Variants in GMIP observed in about 807,000 individuals in gnomAD.
GMIP encodes the protein GEM interacting protein, also known as GEM-interacting protein.
Under a neutral mutation model 105.3 loss-of-function variants are expected in GMIP, and 54 were observed. The observed-to-expected ratio is 0.51, with a 90% CI of 0.41 to 0.64. The LOEUF (loss-of-function observed/expected upper bound fraction) is 0.64. Ranked by LOEUF, GMIP falls within the 30% of genes least tolerant of loss-of-function variation. The probability of loss-of-function intolerance (pLI) is 0.00; values close to 1 mark genes in which losing one functional copy is unlikely to be tolerated. For synonymous variants in GMIP, 541 were observed against 560.8 expected, an observed-to-expected ratio of 0.96 and a Z score of 0.50; for missense variants, 1,110 against 1,319.4, an observed-to-expected ratio of 0.84 and a Z score of 2.46.
chr19:19,641,413 C>G (rs905311366), intron 4 of GMIP, among the ~76,000 whole-genome samples: 1 of 152,156 alleles, frequency 6.6e-6, no homozygotes, highest in Non-Finnish European at 1.5e-5. Context: ...TGGTCTTGCT[C>G]TGTCATCCAG....
chr19:19,637,313 C>T lies in GMIP; in HGVS notation c.1124+52G>A. 1 of 1,244,428 alleles carries T rather than the reference C, an allele frequency of 8.0e-7. No individual in the cohort carries two copies. Among genetic ancestry groups the T allele is most frequent in the Non-Finnish European group, 1.1e-6 (1 of 899,418 alleles). The allele number at this position is 1,244,428 out of a possible 1,614,324, so 77.1% of individuals were successfully genotyped here. A position where few individuals can be genotyped will look rare whatever the true frequency, so the allele number is the denominator to read the frequency against. Reference sequence around the variant, plus strand: ...GTAACCAGCCTGCGGTGCCAACAGCCTGGCATCGCGATTCCGGGGCTCGTT... The same window carrying T: ...GTAACCAGCCTGCGGTGCCAACAGCTTGGCATCGCGATTCCGGGGCTCGTT... On this transcript the variant is annotated intron_variant, in intron 11 of 20. Transcript: ENST00000203556. The surrounding 1 kb of genome is among the most constrained non-coding windows in gnomAD (Gnocchi z 6.7).
chr19:19,637,568 G>T lies in GMIP; in HGVS notation c.928-7C>A. The T allele has an allele frequency of 2.0e-6, 3 of 1,514,016 alleles. No individual in the cohort carries two copies. The highest frequency in any genetic ancestry group is 2.6e-6 in the Non-Finnish European group (3 of 1,137,404). The allele number at this position is 1,514,016 out of a possible 1,614,324, so 93.8% of individuals were successfully genotyped here. ...CGAAGAGACTCAGCGTCACCTGCCG[G>T]GTGGAGACAGCAGGTTGGGGAGGGG... On this transcript the variant is annotated splice_polypyrimidine_tract_variant and splice_region_variant and intron_variant, in intron 10 of 20. Transcript: ENST00000203556. This position sits in a 1 kb window ranked among gnomAD's most constrained non-coding sequence, Gnocchi z 6.7.
intron 1 of GMIP, among the ~76,000 whole-genome samples, chr19:19,642,856 C>T (rs1375434714): frequency 6.6e-6 from 1 of 151,968 alleles, no homozygotes; most frequent in Non-Finnish European, 1.5e-5. Flanking sequence ...TCTGCCTGCA[C>T]CCAGAAGCAA....
At chr19:19,642,275 G>A (rs1233729375) in intron 2 of GMIP, among the ~76,000 whole-genome samples, 1 of 152,002 alleles carries the variant, frequency 6.6e-6, no homozygotes, top group Non-Finnish European at 1.5e-5. Context: ...TCATAGAGTG[G>A]GATTATAGGG....
chr19:19,641,787 T>A, intron 4 of GMIP, 23 bp downstream of exon 4: 1 of 1,565,652 alleles, frequency 6.4e-7, no homozygotes, highest in Non-Finnish European at 8.8e-7. Flanking sequence ...GTCCCCACTG[T>A]CCTGGCCTCC....
chr19:19,640,607 C>T, intron 4 of GMIP, 36 bp from the exon 5 acceptor site: 3 of 1,612,014 alleles, frequency 1.9e-6, no homozygotes, highest in Non-Finnish European at 1.7e-6. Context: ...CCTTTGCACC[C>T]TAGTCTGCTA....
At position 19,643,530 on chromosome 19, in the gene GMIP, A is replaced by G. The variant is rs1314962766; in HGVS notation, c.-1T>C. Reference sequence around the variant, plus strand: ...CCCTACCCGGCTCTGCTGCGTCCATATCTGGGCCCGGGGATCGCTCTGCAG... The same window carrying G: ...CCCTACCCGGCTCTGCTGCGTCCATGTCTGGGCCCGGGGATCGCTCTGCAG... On this transcript the variant is annotated 5_prime_UTR_variant, in exon 1 of 21. Transcript: ENST00000203556. 1 of 1,547,328 alleles carries G rather than the reference A, an allele frequency of 6.5e-7. No individual in the cohort carries two copies. The highest frequency in any genetic ancestry group is 8.7e-7 in the Non-Finnish European group (1 of 1,145,122).
At chr19:19,632,815 A>C (rs1490913651) in intron 19 of GMIP, among the ~76,000 whole-genome samples, 3 of 152,092 alleles carry the variant, frequency 2.0e-5, no homozygotes, top group Admixed American at 6.6e-5. Flanking sequence ...CCTGTCATTC[A>C]TTACAGGATG....
At position 19,633,863 on chromosome 19, in the gene GMIP, G is replaced by A. The variant is rs1482737929; in HGVS notation, c.2412C>T (p.Pro804=). 19 of 1,497,998 alleles carry A rather than the reference G, an allele frequency of 1.3e-5. No individual in the cohort carries two copies. In the East Asian group the frequency reaches 1.6e-4, roughly 13 times the overall value. 92.8% of individuals were successfully genotyped at this position (1,497,998 alleles called of 1,614,324 possible). ...DSQPPVLASD[P]GPDPQHHSTL... The stretch of plus-strand genomic sequence containing the variant: ...TACTGTGGTGCTGGGGGTCTGGGCC[G>A]GGGTCTGAGGCTAGGACTGGGGGCT... The change falls in exon 19 of 21, where the codon CCC becomes CCT. Residue 804 remains proline (P), a synonymous_variant. Coordinates refer to ENST00000203556, the MANE Select transcript of GMIP (RefSeq NM_016573.4).
rs1019964302 is a variant in GMIP, at chr19:19,635,685, G to A, written c.1364C>T (p.Thr455Ile). 1 of 1,614,162 alleles carries A rather than the reference G, an allele frequency of 6.2e-7. No homozygotes were observed. Among genetic ancestry groups the A allele is most frequent in the Non-Finnish European group, 8.5e-7 (1 of 1,180,006 alleles). The change falls in exon 14 of 21, where the codon ACA (threonine) becomes ATA (isoleucine). Residue 455 changes from threonine to isoleucine, a missense_variant. Transcript: ENST00000203556. This position sits in a 1 kb window ranked among gnomAD's most constrained non-coding sequence, Gnocchi z 4.7. ...GTRQLVKASSTGTESSDDFEE... is the reference protein window; with the variant it reads ...GTRQLVKASSIGTESSDDFEE... ...AAAGTCATCTGAGGACTCAGTGCCT[G>A]TGGACGAAGCCTTCACCAGCTGCCT...
chr19:19,636,222 G>GA (rs1335483941), intron 13 of GMIP, among the ~76,000 whole-genome samples: 2 of 142,558 alleles, frequency 1.4e-5, no homozygotes, highest in South Asian at 2.3e-4. Context: ...AAAAAAGAAA[G>GA]AAAGAAAAGA....
chr19:19,636,316 A>G (rs1224494269), intron 13 of GMIP, among the ~76,000 whole-genome samples: 2 of 152,022 alleles, frequency 1.3e-5, no homozygotes, highest in African/African-American at 4.8e-5. Context: ...TGAGGTCAGG[A>G]GTTCGAGATC....
In GMIP at chr19:19,634,627, C is replaced by T; in HGVS notation, c.1964G>A (p.Gly655Glu). ...GGGGCTGGGGGTCCCAGGGTCGTCC[C>T]CAGGGTCTGCATGCAAGGTCTTAGC... ...SLAKTLHADPGDDPGTPSPSP... is the reference protein window; with the variant it reads ...SLAKTLHADPEDDPGTPSPSP... The change falls in exon 18 of 21, where the codon GGG becomes GAG. Residue 655 changes from glycine (G) to glutamate (E), a missense_variant. Transcript: ENST00000203556. The surrounding 1 kb of genome is among the most constrained non-coding windows in gnomAD (Gnocchi z 6.1). The T allele has an allele frequency of 6.2e-7, 1 of 1,613,462 alleles. No individual in the cohort carries two copies. Among genetic ancestry groups the T allele is most frequent in the Non-Finnish European group, 8.5e-7 (1 of 1,179,804 alleles).
Position 19,630,022 on chromosome 19 carries a change from C to G in GMIP, c.2854G>C (p.Val952Leu), listed in dbSNP as rs771778026. 2 of 1,608,360 alleles carry G rather than the reference C, an allele frequency of 1.2e-6. No homozygotes were observed. The highest frequency in any genetic ancestry group is 2.2e-5 in the East Asian group (1 of 44,730). ...RLLSKLDSEAVPRATCCPDVQ... is the reference protein window; with the variant it reads ...RLLSKLDSEALPRATCCPDVQ... ...TCCGGGCAGCAGGTGGCCCTGGGCACAGCCTCGCTGTCCAATTTCGAGAGT... is the reference window on the plus strand; with the variant it reads ...TCCGGGCAGCAGGTGGCCCTGGGCAGAGCCTCGCTGTCCAATTTCGAGAGT... The change falls in exon 21 of 21, where the codon GTG (valine) becomes CTG (leucine). Residue 952 changes from valine to leucine, a missense_variant. By Grantham distance (32) the Val-to-Leu change is conservative. Coordinates refer to ENST00000203556, the MANE Select transcript of GMIP (RefSeq NM_016573.4). The surrounding 1 kb of genome is among the most constrained non-coding windows in gnomAD (Gnocchi z 4.8).
chr19:19,635,045 G>A lies in GMIP; in HGVS notation c.1729C>T (p.His577Tyr), dbSNP rs1293703707. ...VVTKCTAEIE[H>Y]RALDVQGIYR... ...AGCACCTGCACATCCAGGGCACGGTGTTCTATCTCAGCCGTGCACTTCGTG... is the reference window on the plus strand; with the variant it reads ...AGCACCTGCACATCCAGGGCACGGTATTCTATCTCAGCCGTGCACTTCGTG... The change falls in exon 16 of 21, where the codon CAC (histidine) becomes TAC (tyrosine). Residue 577 changes from histidine to tyrosine, a missense_variant. Physicochemically the swap from His to Tyr is moderately conservative, Grantham distance 83. This residue lies in a region of GMIP where 49 missense variants were observed against 95.6 expected (regional missense o/e 0.51). Coordinates refer to ENST00000203556, the MANE Select transcript of GMIP (RefSeq NM_016573.4). The surrounding 1 kb of genome is among the most constrained non-coding windows in gnomAD (Gnocchi z 4.7). The A allele has an allele frequency of 6.2e-7, 1 of 1,613,982 alleles. No homozygotes were observed. Among genetic ancestry groups the A allele is most frequent in the South Asian group, 1.1e-5 (1 of 91,082 alleles).
Position 19,634,467 on chromosome 19 carries a change from G to T in GMIP, c.2084+40C>A. 5 of 1,539,830 alleles carry T rather than the reference G, an allele frequency of 3.2e-6. No individual in the cohort carries two copies. The South Asian group carries it at 5.9e-5, about 18-fold the overall frequency. On this transcript the variant is annotated intron_variant, in intron 18 of 20. Transcript: ENST00000203556. The surrounding 1 kb of genome is among the most constrained non-coding windows in gnomAD (Gnocchi z 6.1). ...GGAAGTTAGTAGTCGCATGTCCAGGGAAAAGGGTCGCGTTTCAAGGCTCAG... is the reference window on the plus strand; with the variant it reads ...GGAAGTTAGTAGTCGCATGTCCAGGTAAAAGGGTCGCGTTTCAAGGCTCAG...
Position 19,635,446 on chromosome 19 carries a change from G to C in GMIP, c.1529C>G (p.Ala510Gly). 3 of 1,609,824 alleles carry C rather than the reference G, an allele frequency of 1.9e-6. No individual in the cohort carries two copies. Residue 510 changes from alanine (A) to glycine (G), a missense_variant, in exon 15 of 21, where the codon GCC (alanine) becomes GGC (glycine). Transcript: ENST00000203556. This position sits in a 1 kb window ranked among gnomAD's most constrained non-coding sequence, Gnocchi z 4.7. ...RGPAKCRECEAFMVSGTECEE... is the reference protein window; with the variant it reads ...RGPAKCRECEGFMVSGTECEE... Reference sequence around the variant, plus strand: ...ACACTCCGTCCCGCTGACCATGAAGGCTTCGCACTCGCGGCACTTGGCTGG... The same window carrying C: ...ACACTCCGTCCCGCTGACCATGAAGCCTTCGCACTCGCGGCACTTGGCTGG...
In GMIP at chr19:19,643,617, A is replaced by AGCCGCCGCCGCCGCC. The variant is rs1000299919; in HGVS notation, c.-103_-89dup. ...CCGAGCCCCGATTTCCTGCCGCCGC[A>AGCCGCCGCCGCCGCC]GCCGCCGCCGCCGCCTCGGTTCCGC... On this transcript the variant is annotated 5_prime_UTR_variant, in exon 1 of 21. Coordinates refer to ENST00000203556, the MANE Select transcript of GMIP (RefSeq NM_016573.4). 8.3e-7 allele frequency: 1 copy of AGCCGCCGCCGCCGCC among 1,206,090 alleles called. No homozygotes were observed. Among genetic ancestry groups the AGCCGCCGCCGCCGCC allele is most frequent in the Non-Finnish European group, 1.2e-6 (1 of 866,334 alleles). 74.7% of individuals were successfully genotyped at this position (1,206,090 alleles called of 1,614,324 possible).
In GMIP at chr19:19,635,666, A is replaced by T; in HGVS notation, c.1383T>A (p.Asp461Glu). 6.2e-7 allele frequency: 1 copy of T among 1,613,954 alleles called. No homozygotes were observed. Among genetic ancestry groups the T allele is most frequent in the Admixed American group, 1.7e-5 (1 of 60,028 alleles). Reference protein sequence around the residue: ...KASSTGTESSDDFEERDPDLG... With the variant: ...KASSTGTESSEDFEERDPDLG... ...CACCAGGGTCTCGCTCCTCAAAGTC[A>T]TCTGAGGACTCAGTGCCTGTGGACG... is the stretch of plus-strand genomic sequence containing the variant. The change falls in exon 14 of 21, where the codon GAT becomes GAA. Residue 461 changes from aspartate (D) to glutamate (E), a missense_variant. Coordinates refer to ENST00000203556, the MANE Select transcript of GMIP (RefSeq NM_016573.4). This position sits in a 1 kb window ranked among gnomAD's most constrained non-coding sequence, Gnocchi z 4.7.
Sources: gnomAD v4.1 joint callset for allele counts (sites outside exome capture counted in the v4.1 genomes callset) on GRCh38, gnomAD v4.1.1 for gene constraint, gnomAD v4.1.1 regional missense constraint, Gnocchi (gnomAD v3.1) non-coding constraint, MANE v1.5 for transcripts, NCBI Gene and HGNC (gene_info 2026-07-23, HGNC 2026-07-21) for gene names.